Variants in ZMYND8 observed in about 807,000 individuals in gnomAD.
ZMYND8 encodes zinc finger MYND-type containing 8.
ZMYND8 carries 37 observed loss-of-function variants against 140.8 expected under a neutral mutation model. The observed-to-expected ratio is 0.26, with a 90% CI of 0.20 to 0.35. ZMYND8 has a LOEUF of 0.35. ZMYND8 is among the 10% of genes least tolerant of loss of function. ZMYND8 has a pLI of 1.00. For synonymous variants in ZMYND8, 592 were observed against 597.1 expected (o/e 0.99, Z 0.12); for missense variants, 1,068 against 1,570.0 (o/e 0.68, Z 5.40).
At chr20:47,256,037 C>T (rs1438616998) in intron 12 of ZMYND8, among the ~76,000 whole-genome samples, 1 of 148,778 alleles carries the variant, frequency 6.7e-6, no homozygotes, top group Non-Finnish European at 1.5e-5. Flanking sequence ...TGTACCATTG[C>T]ACTCCAGCCT....
intron 2 of ZMYND8, among the ~76,000 whole-genome samples, chr20:47,331,916 T>C (rs2080984783): frequency 6.6e-6 from 1 of 152,076 alleles, no homozygotes; most frequent in African/African-American, 2.4e-5. Context: ...TCTAAGAAGT[T>C]TGGCTTGCTG....
chr20:47,354,828 C>CT (rs1367021990), intron 1 of ZMYND8, among the ~76,000 whole-genome samples: 2 of 152,176 alleles, frequency 1.3e-5, no homozygotes, highest in Non-Finnish European at 2.9e-5. Context: ...CACTTAACTT[C>CT]TAGCTGCAGC....
chr20:47,235,544 A>C (rs973742930), intron 16 of ZMYND8, among the ~76,000 whole-genome samples: 4 of 151,998 alleles, frequency 2.6e-5, no homozygotes, highest in Non-Finnish European at 5.9e-5. Context: ...ATCTCTACTA[A>C]AAAAATACAA....
chr20:47,250,433 C>A (rs2074077567), intron 12 of ZMYND8, among the ~76,000 whole-genome samples: 1 of 152,140 alleles, frequency 6.6e-6, no homozygotes, highest in Admixed American at 6.6e-5. Flanking sequence ...CCTACTCCGG[C>A]CGATCCCAAA....
In ZMYND8 at chr20:47,246,425, T is replaced by C. The variant is rs1223736706; in HGVS notation, c.1867A>G (p.Ile623Val). Residue 623 changes from isoleucine to valine, a missense_variant, in exon 14 of 23, where the codon ATC becomes GTC. Transcript: ENST00000471951. ...TTAGACTTCTGCTCATCATCACTGA[T>C]ATACTCACTATCGCTACTATCTGAC... is the stretch of plus-strand genomic sequence containing the variant. ...EKSDSSDSEY[I>V]SDDEQKSKNE... The C allele has an allele frequency of 6.2e-7, 1 of 1,614,028 alleles. No homozygotes were observed. Among genetic ancestry groups the C allele is most frequent in the Non-Finnish European group, 8.5e-7 (1 of 1,180,048 alleles).
In ZMYND8 at chr20:47,218,095, G is replaced by A. The variant is rs560618846; in HGVS notation, c.3484+2163C>T. On this transcript the variant is annotated intron_variant, in intron 21 of 22. Transcript: ENST00000471951. Reference sequence around the variant, plus strand: ...TGAGCAGCTATGACAGGAACCATGCGGCCTGCAAAACCTAAAATACTTACT... The same window carrying A: ...TGAGCAGCTATGACAGGAACCATGCAGCCTGCAAAACCTAAAATACTTACT... 1.4e-3 allele frequency among the ~76,000 whole-genome samples: 213 copies of A among 152,248 alleles called. 2 individuals carry two copies. Among genetic ancestry groups the A allele is most frequent in the African/African-American group, 4.3e-3 (177 of 41,518 alleles).
chr20:47,307,469 T>C (rs1197846722), intron 3 of ZMYND8, among the ~76,000 whole-genome samples: 1 of 151,496 alleles, frequency 6.6e-6, no homozygotes, highest in Non-Finnish European at 1.5e-5. Flanking sequence ...AAAAAATAAA[T>C]AAATAAATAA....
At chr20:47,312,258 T>C (rs2078995965) in intron 2 of ZMYND8, among the ~76,000 whole-genome samples, 1 of 152,122 alleles carries the variant, frequency 6.6e-6, no homozygotes, top group South Asian at 2.1e-4. Context: ...CTCCTAGTGG[T>C]TGACTTTCAT....
chr20:47,220,375 G>A (rs1044360742), intron 20 of ZMYND8, 51 bp from the exon 21 acceptor site: 22 of 1,439,540 alleles, frequency 1.5e-5, no homozygotes, highest in African/African-American at 1.1e-4. Flanking sequence ...GGCTACTGTC[G>A]CCCCCACAGG....
At chr20:47,294,615 A>AT in intron 5 of ZMYND8, 51 bp downstream of exon 5, 1 of 1,553,180 alleles carries the variant, frequency 6.4e-7, no homozygotes, top group Non-Finnish European at 8.9e-7. Flanking sequence ...AGAACAAAAC[A>AT]TATGTCATTA....
At chr20:47,277,663 ATTT>A (rs2076339043) in intron 10 of ZMYND8, among the ~76,000 whole-genome samples, 1 of 145,510 alleles carries the variant, frequency 6.9e-6, no homozygotes, top group African/African-American at 2.8e-5. Context: ...TTATTTATTT[ATTT>A]ATTTATTTAT....
At chr20:47,332,288 G>A (rs180804398) in intron 2 of ZMYND8, among the ~76,000 whole-genome samples, 31 of 152,226 alleles carry the variant, frequency 2.0e-4, no homozygotes, top group African/African-American at 7.2e-4. Context: ...TCCAGCCTGG[G>A]CAATATAGTG....
chr20:47,329,585 G>T (rs1314355115), intron 2 of ZMYND8, among the ~76,000 whole-genome samples: 2 of 151,988 alleles, frequency 1.3e-5, no homozygotes, highest in African/African-American at 4.8e-5. Context: ...TGTATTTTTA[G>T]TAGAGGCGGG....
At chr20:47,262,227 C>A in intron 12 of ZMYND8, 61 bp downstream of exon 12, 2 of 1,610,128 alleles carry the variant, frequency 1.2e-6, no homozygotes, top group South Asian at 1.1e-5. Context: ...CAAGAGGATA[C>A]GTCATTTGCA....
At chr20:47,300,073 TATATTATGGA>T (rs2077912420) in intron 3 of ZMYND8, among the ~76,000 whole-genome samples, 1 of 152,158 alleles carries the variant, frequency 6.6e-6, no homozygotes, top group Admixed American at 6.6e-5. Flanking sequence ...CTCTTCCTGG[TATATTATGGA>T]ATATTATGGT....
Position 47,239,156 on chromosome 20 carries a change from A to T in ZMYND8, c.2285-18T>A. 1 of 1,485,584 alleles carries T rather than the reference A, an allele frequency of 6.7e-7. No homozygotes were observed. Among genetic ancestry groups the T allele is most frequent in the Non-Finnish European group, 8.9e-7 (1 of 1,123,428 alleles). The allele number at this position is 1,485,584 out of a possible 1,614,324, so 92.0% of individuals were successfully genotyped here. On this transcript the variant is annotated intron_variant, in intron 14 of 22. Transcript: ENST00000471951. ...ACCTACAACTAGCCAATGCATGAAG[A>T]AAAAACAAACAAAAACCGGATTTCA...
intron 22 of ZMYND8, among the ~76,000 whole-genome samples, chr20:47,211,586 C>T (rs572613773): frequency 6.6e-6 from 1 of 152,206 alleles, no homozygotes; most frequent in Non-Finnish European, 1.5e-5. Context: ...AAGGAAGAGC[C>T]GAATGAGGTG....
At chr20:47,256,285 G>C (rs2074709297) in intron 12 of ZMYND8, among the ~76,000 whole-genome samples, 1 of 150,816 alleles carries the variant, frequency 6.6e-6, no homozygotes, top group Non-Finnish European at 1.5e-5. Context: ...TTTGAGACCA[G>C]CCTGGGAAAC....
chr20:47,344,994 T>C (rs1459743809), intron 2 of ZMYND8, among the ~76,000 whole-genome samples: 2 of 151,930 alleles, frequency 1.3e-5, no homozygotes, highest in Admixed American at 6.6e-5. Flanking sequence ...GGTGTGCACC[T>C]GTAGTCCCAG....
Sources: gnomAD v4.1 joint callset for allele counts (sites outside exome capture counted in the v4.1 genomes callset) on GRCh38, gnomAD v4.1.1 for gene constraint, MANE v1.5 for transcripts, NCBI Gene and HGNC (gene_info 2026-07-23, HGNC 2026-07-21) for gene names.